The following FAT4 variants were observed in gnomAD, a reference collection of about 807,000 sequenced individuals.
FAT4 encodes protocadherin Fat 4.
Under a neutral mutation model 303.9 loss-of-function variants are expected in FAT4, and 84 were observed. The ratio of observed to expected loss-of-function variants is 0.28; its 90% CI spans 0.23 to 0.33. The LOEUF is 0.33. Ranked by LOEUF, FAT4 falls within the 10% of genes least tolerant of loss-of-function variation. The probability of loss-of-function intolerance (pLI) is 1.00; values close to 1 mark genes in which losing one functional copy is unlikely to be tolerated. For missense variants in FAT4, 6,005 were observed against 6,146.8 expected (o/e 0.98, Z 0.77); for synonymous variants, 2,307 against 2,298.8 (o/e 1.00, Z -0.10).
chr4:125,364,946 C>T (rs75846677), intron 2 of FAT4, among the ~76,000 whole-genome samples: 18 of 152,108 alleles, frequency 1.2e-4, no homozygotes, highest in South Asian at 2.1e-4. Context: ...GGGGGCATTG[C>T]GGATTTAGAA....
intron 2 of FAT4, among the ~76,000 whole-genome samples, chr4:125,327,195 G>A (rs1731191974): frequency 6.6e-6 from 1 of 152,138 alleles, no homozygotes; most frequent in Non-Finnish European, 1.5e-5. Flanking sequence ...CTAGAGCAGG[G>A]AAGAAGATGA....
rs753117068 is a variant in FAT4 at position 125,490,238 on chromosome 4, C to G, written c.13422C>G (p.Leu4474=). ...CEMVVACLGV[L]CPQGKVCKAG... ...TGGTGGTGGCCTGTCTTGGCGTCCT[C>G]TGTCCTCAGGGGAAGGTGTGCAAAG... Residue 4474 remains leucine (L), a synonymous_variant, in exon 18 of 18, where the codon CTC becomes CTG. Coordinates refer to ENST00000394329, the MANE Select transcript of FAT4 (RefSeq NM_001291303.3). 1.2e-6 allele frequency: 2 copies of G among 1,614,026 alleles called. No individual in the cohort carries two copies. Among genetic ancestry groups the G allele is most frequent in the African/African-American group, 1.3e-5 (1 of 74,928 alleles).
intron 16 of FAT4, among the ~76,000 whole-genome samples, chr4:125,485,961 T>C (rs1727394371): frequency 6.6e-6 from 1 of 152,152 alleles, no homozygotes; most frequent in Admixed American, 6.5e-5. Flanking sequence ...AAGAATTATA[T>C]AAGTGTTAAG....
chr4:125,484,283 G>A (rs13130532), intron 16 of FAT4, among the ~76,000 whole-genome samples: 58,188 of 151,808 alleles, frequency 0.38, 11,186 homozygotes, highest in Middle Eastern at 0.46. Flanking sequence ...AGAAAAGAAA[G>A]TTTCAGAGAG....
rs574049525 is a variant in FAT4 at position 125,315,230 on chromosome 4, C to G, written c.-760C>G. 6.6e-6 allele frequency among the ~76,000 whole-genome samples: 1 copy of G among 151,768 alleles called. No individual in the cohort carries two copies. Among genetic ancestry groups the G allele is most frequent in the Non-Finnish European group, 1.5e-5 (1 of 67,950 alleles). On this transcript the variant is annotated 5_prime_UTR_variant, in exon 1 of 18. Transcript: ENST00000394329. ...CGAGAGGGAGAGCGCTGACAGGCGC[C>G]GTCCGGAGCTGCGGAGGGCGTCACT...
chr4:125,426,389 T>G (rs945248135), intron 7 of FAT4, among the ~76,000 whole-genome samples: 4 of 152,068 alleles, frequency 2.6e-5, no homozygotes, highest in African/African-American at 9.7e-5. Flanking sequence ...GAAATGCATT[T>G]GACTTAATTT....
In FAT4 at chr4:125,317,457, A is replaced by G; in HGVS notation, c.1046A>G (p.Asn349Ser). 2 of 1,613,638 alleles carry G rather than the reference A, an allele frequency of 1.2e-6. No homozygotes were observed. Among genetic ancestry groups the G allele is most frequent in the Non-Finnish European group, 1.7e-6 (2 of 1,180,038 alleles). The change falls in exon 2 of 18, where the codon AAT (asparagine) becomes AGT (serine). Residue 349 changes from asparagine (N) to serine (S), a missense_variant. Coordinates refer to ENST00000394329, the MANE Select transcript of FAT4 (RefSeq NM_001291303.3). The surrounding 1 kb of genome is among the most constrained non-coding windows in gnomAD (Gnocchi z 7.0). ...ALIQLLDVNDNDPVVKFRYFP... is the reference protein window; with the variant it reads ...ALIQLLDVNDSDPVVKFRYFP... ...ATTCAGCTGCTGGACGTGAATGACA[A>G]TGACCCGGTAGTGAAGTTCCGCTAC... is the stretch of plus-strand genomic sequence containing the variant.
At chr4:125,425,619 C>T (rs1033960224) in intron 7 of FAT4, among the ~76,000 whole-genome samples, 4 of 151,942 alleles carry the variant, frequency 2.6e-5, no homozygotes, top group Admixed American at 1.3e-4. Context: ...AAGTACAAAG[C>T]GAATCTTAGA....
rs201499023 is a variant in FAT4, at chr4:125,490,621, A to G, written c.13805A>G (p.His4602Arg). The change falls in exon 18 of 18, where the codon CAC becomes CGC. Residue 4602 changes from histidine (H) to arginine (R), a missense_variant. Transcript: ENST00000394329. ...YLIYDETDIP[H>R]NSETIPSAPL... ...ATCTATGATGAAACTGATATTCCTC[A>G]CAACTCAGAAACCATCCCCAGCGCC... 8 of 1,614,166 alleles carry G rather than the reference A, an allele frequency of 5.0e-6. No individual in the cohort carries two copies. The East Asian group carries it at 1.8e-4, about 36-fold the overall frequency.
At position 125,318,976 on chromosome 4, in the gene FAT4, T is replaced by C. The variant is rs1730792769; in HGVS notation, c.2565T>C (p.Asp855=). The change falls in exon 2 of 18, where the codon GAT becomes GAC. Residue 855 remains aspartate, a synonymous_variant. Coordinates refer to ENST00000394329, the MANE Select transcript of FAT4 (RefSeq NM_001291303.3). ...TGQLTTANVI[D]REEQSFYQLK... is the part of the protein sequence containing the mutation. ...AGCTTACCACAGCAAATGTGATTGA[T>C]AGAGAAGAGCAATCCTTTTATCAGC... 3 of 1,614,050 alleles carry C rather than the reference T, an allele frequency of 1.9e-6. No individual in the cohort carries two copies. Among genetic ancestry groups the C allele is most frequent in the Non-Finnish European group, 2.5e-6 (3 of 1,180,042 alleles).
At chr4:125,392,196 A>G (rs916485118) in intron 2 of FAT4, among the ~76,000 whole-genome samples, 2 of 152,146 alleles carry the variant, frequency 1.3e-5, no homozygotes, top group Admixed American at 6.6e-5. Flanking sequence ...TCTTGATGGC[A>G]TTATCTTAAT....
chr4:125,474,563 G>T (rs1165875570), intron 12 of FAT4, among the ~76,000 whole-genome samples: 2 of 151,644 alleles, frequency 1.3e-5, no homozygotes, highest in Non-Finnish European at 2.9e-5. Flanking sequence ...AAAATTCCAT[G>T]TGGCTCACAA....
In FAT4 at chr4:125,316,453, C is replaced by T. The variant is rs776734172; in HGVS notation, c.42C>T (p.Leu14=). The T allele has an allele frequency of 4.3e-6, 7 of 1,613,538 alleles. No homozygotes were observed. The East Asian group carries it at 1.6e-4, about 36-fold the overall frequency. The change falls in exon 2 of 18, where the codon CTC becomes CTT. Residue 14 remains leucine (L), a synonymous_variant. Coordinates refer to ENST00000394329, the MANE Select transcript of FAT4 (RefSeq NM_001291303.3). The surrounding 1 kb of genome is among the most constrained non-coding windows in gnomAD (Gnocchi z 5.7). ...ACAGGGCTACTGGCCGCCCGTGGCT[C>T]CCGTTGCACACTCTATCAGTATCTC... ...APDRATGRPW[L]PLHTLSVSQL...
chr4:125,488,824 TGATC>T (rs1400982917), intron 17 of FAT4, among the ~76,000 whole-genome samples: 1 of 152,162 alleles, frequency 6.6e-6, no homozygotes, highest in Non-Finnish European at 1.5e-5. Context: ...GACATGGATG[TGATC>T]ACCTAACATG....
intron 2 of FAT4, among the ~76,000 whole-genome samples, chr4:125,357,820 T>C (rs1488928860): frequency 2.0e-5 from 3 of 152,158 alleles, no homozygotes; most frequent in African/African-American, 7.2e-5. Flanking sequence ...CTCTCGTTTG[T>C]TGTGGTAAAC....
chr4:125,461,847 T>TA (rs1005768570), intron 10 of FAT4, among the ~76,000 whole-genome samples: 3 of 152,022 alleles, frequency 2.0e-5, no homozygotes, highest in Admixed American at 6.6e-5. Context: ...GGCCTTCACA[T>TA]AATCAGTTGA....
chr4:125,329,923 A>G (rs1056030841), intron 2 of FAT4, among the ~76,000 whole-genome samples: 2 of 152,162 alleles, frequency 1.3e-5, no homozygotes, highest in Non-Finnish European at 2.9e-5. Flanking sequence ...TGTCTTCAAA[A>G]TATTTCATTT....
rs780871857 is a variant in FAT4, at chr4:125,491,496, A to G, written c.14680A>G (p.Arg4894Gly). 1.6e-5 allele frequency: 26 copies of G among 1,614,048 alleles called. No homozygotes were observed. Among genetic ancestry groups the G allele is most frequent in the African/African-American group, 2.7e-5 (2 of 74,934 alleles). Reference protein sequence around the residue: ...DNYGARLKPRRYHGRRAEGGP... With the variant: ...DNYGARLKPRGYHGRRAEGGP... Reference sequence around the variant, plus strand: ...TTATGGAGCCAGACTGAAGCCTCGAAGGTACCACGGTCGCAGGGCCGAGGG... The same window carrying G: ...TTATGGAGCCAGACTGAAGCCTCGAGGGTACCACGGTCGCAGGGCCGAGGG... Residue 4894 changes from arginine to glycine, a missense_variant, in exon 18 of 18, where the codon AGG becomes GGG. Coordinates refer to ENST00000394329, the MANE Select transcript of FAT4 (RefSeq NM_001291303.3).
At chr4:125,480,622 A>C (rs981206475) in intron 15 of FAT4, among the ~76,000 whole-genome samples, 2 of 152,154 alleles carry the variant, frequency 1.3e-5, no homozygotes, top group African/African-American at 4.8e-5. Context: ...ATAGAAATGC[A>C]TAATAAAATT....
Sources: gnomAD v4.1 joint callset for allele counts (sites outside exome capture counted in the v4.1 genomes callset) on GRCh38, gnomAD v4.1.1 for gene constraint, Gnocchi (gnomAD v3.1) non-coding constraint, MANE v1.5 for transcripts, NCBI Gene and HGNC (gene_info 2026-07-23, HGNC 2026-07-21) for gene names.